ARHGAP8: variants seen among roughly 807,000 people sequenced by gnomAD.
ARHGAP8 encodes rho GTPase-activating protein 8.
A neutral mutation model predicts 46.1 loss-of-function variants in ARHGAP8; 62 were observed. The observed-to-expected ratio is 1.34, with a 90% CI of 1.10 to 1.66. The LOEUF (loss-of-function observed/expected upper bound fraction) is 1.66. Among genes scored for constraint, ARHGAP8 ranks in the 40% most tolerant of loss-of-function variants. The pLI is 0.00. For synonymous variants in ARHGAP8, 375 were observed against 243.1 expected (o/e 1.54, Z -5.05); for missense variants, 923 against 568.4 (o/e 1.62, Z -6.34).
intron 2 of ARHGAP8, among the ~76,000 whole-genome samples, chr22:44,799,487 C>T (rs991307930): frequency 1.3e-5 from 2 of 152,136 alleles, no homozygotes; most frequent in Non-Finnish European, 2.9e-5. Context: ...GAAGCTCAGG[C>T]AGGAGGATGC....
intron 4 of ARHGAP8, among the ~76,000 whole-genome samples, chr22:44,813,479 A>T (rs1428773358): frequency 2.0e-5 from 3 of 149,198 alleles, no homozygotes; most frequent in Non-Finnish European, 3.0e-5. Context: ...CCACATACAG[A>T]CACCTACATG....
chr22:44,843,824 C>CAAAAA (rs56308320), intron 7 of ARHGAP8, among the ~76,000 whole-genome samples: 1 of 93,086 alleles, frequency 1.1e-5, no homozygotes, highest in African/African-American at 3.6e-5. Flanking sequence ...GACCTTGTCT[C>CAAAAA]AAAAAAAAAA....
At chr22:44,826,731 G>A (rs879695271) in intron 7 of ARHGAP8, among the ~76,000 whole-genome samples, 1 of 152,148 alleles carries the variant, frequency 6.6e-6, no homozygotes, top group Non-Finnish European at 1.5e-5. Flanking sequence ...TGGCCACCCA[G>A]GGTAGATTTT....
chr22:44,849,709 T>C (rs2070047857), intron 10 of ARHGAP8: 1 of 152,282 alleles, frequency 6.6e-6, no homozygotes, highest in South Asian at 2.1e-4. Context: ...CCCTCCTTTC[T>C]TCTTGGAGCA....
Position 44,862,598 on chromosome 22 carries a change from T to G in ARHGAP8, c.*3T>G, listed in dbSNP as rs754398044. On this transcript the variant is annotated 3_prime_UTR_variant, in exon 12 of 12. Transcript: ENST00000356099. ...TGGCAGCCAGAAGACGTCTCTAGTGTTGCGAACACTCTGTATATTTCGAGC... is the reference window on the plus strand; with the variant it reads ...TGGCAGCCAGAAGACGTCTCTAGTGGTGCGAACACTCTGTATATTTCGAGC... 7.7e-6 allele frequency: 12 copies of G among 1,560,462 alleles called. No individual in the cohort carries two copies. Among genetic ancestry groups the G allele is most frequent in the Non-Finnish European group, 1.0e-5 (12 of 1,150,022 alleles).
chr22:44,790,509 C>G (rs1412001218), intron 2 of ARHGAP8, among the ~76,000 whole-genome samples: 2 of 151,670 alleles, frequency 1.3e-5, no homozygotes, highest in Admixed American at 1.3e-4. Context: ...AACCCCGTCT[C>G]TACTAAAAAT....
At chr22:44,791,300 C>G (rs1927668379) in intron 2 of ARHGAP8, among the ~76,000 whole-genome samples, 1 of 152,176 alleles carries the variant, frequency 6.6e-6, no homozygotes, top group African/African-American at 2.4e-5. Context: ...AGAGTCGACA[C>G]TTGAGCCAGG....
chr22:44,858,380 T>C (rs2070302734), intron 10 of ARHGAP8, among the ~76,000 whole-genome samples: 1 of 151,680 alleles, frequency 6.6e-6, no homozygotes, highest in Non-Finnish European at 1.5e-5. Context: ...TTTTTTTTTT[T>C]TTTTGAGATG....
intron 5 of ARHGAP8, among the ~76,000 whole-genome samples, chr22:44,815,702 A>C (rs1242448782): frequency 6.6e-6 from 1 of 152,124 alleles, no homozygotes; most frequent in African/African-American, 2.4e-5. Flanking sequence ...GTTCCTGCTA[A>C]AGGATTTCTG....
intron 7 of ARHGAP8, among the ~76,000 whole-genome samples, chr22:44,839,625 C>A (rs1457408914): frequency 6.6e-6 from 1 of 152,210 alleles, no homozygotes; most frequent in African/African-American, 2.4e-5. Context: ...AGCTGGTCAC[C>A]TGGCCTCTCC....
intron 7 of ARHGAP8, among the ~76,000 whole-genome samples, chr22:44,843,843 AAG>A (rs1931807335): frequency 1.3e-5 from 2 of 150,926 alleles, no homozygotes; most frequent in African/African-American, 2.5e-5. Context: ...AAAAAAAAAA[AAG>A]GATGGGATAT....
intron 1 of ARHGAP8, among the ~76,000 whole-genome samples, chr22:44,780,490 A>G (rs1926763331): frequency 6.6e-6 from 1 of 151,730 alleles, no homozygotes; most frequent in African/African-American, 2.4e-5. Context: ...GTGAAAACCC[A>G]TATCTATTAA....
chr22:44,809,069 C>G (rs1569156155), intron 4 of ARHGAP8: 1 of 468,268 alleles, frequency 2.1e-6, no homozygotes, highest in Admixed American at 2.3e-5. Context: ...GATCCTCCCA[C>G]CTCAGCCTCC....
chr22:44,853,283 G>A (rs2070141805), intron 10 of ARHGAP8, among the ~76,000 whole-genome samples: 2 of 152,166 alleles, frequency 1.3e-5, no homozygotes, highest in Non-Finnish European at 2.9e-5. Flanking sequence ...AGCAGACTGA[G>A]TAGGAGGCAC....
intron 2 of ARHGAP8, among the ~76,000 whole-genome samples, chr22:44,795,009 C>T (rs571516892): frequency 2.0e-5 from 3 of 149,428 alleles, no homozygotes; most frequent in East Asian, 3.9e-4. Flanking sequence ...CCACTGCACT[C>T]CAGCCTGGGT....
At chr22:44,848,739 G>A (rs1056164514) in intron 9 of ARHGAP8, among the ~76,000 whole-genome samples, 193 bp from the exon 10 acceptor site, 11 of 152,160 alleles carry the variant, frequency 7.2e-5, no homozygotes, top group Non-Finnish European at 1.5e-4. Flanking sequence ...GAGGCAGTTA[G>A]GGTAGTGTAG....
intron 11 of ARHGAP8, 48 bp downstream of exon 11, chr22:44,859,882 T>A (rs745537272): frequency 6.3e-7 from 1 of 1,597,908 alleles, no homozygotes; most frequent in Non-Finnish European, 8.5e-7. Flanking sequence ...TGGCCTTCCC[T>A]CCCATGCTGG....
At chr22:44,796,559 A>G (rs1195096793) in intron 2 of ARHGAP8, among the ~76,000 whole-genome samples, 1 of 150,454 alleles carries the variant, frequency 6.6e-6, no homozygotes, top group Non-Finnish European at 1.5e-5. Flanking sequence ...CATCAATCCC[A>G]CTGAAGAAAT....
At chr22:44,759,379 G>C (rs530959492) in intron 1 of ARHGAP8, among the ~76,000 whole-genome samples, 1 of 152,176 alleles carries the variant, frequency 6.6e-6, no homozygotes, top group African/African-American at 2.4e-5. Context: ...TCCCAATCTG[G>C]GGTAGGCAGG....
Sources: allele counts gnomAD v4.1 joint callset (sites outside exome capture counted in the v4.1 genomes callset), GRCh38; gene constraint gnomAD v4.1.1; transcripts MANE v1.5; gene names NCBI Gene and HGNC (gene_info 2026-07-23, HGNC 2026-07-21).